The following SRCIN1 variants were observed in gnomAD, a reference collection of about 807,000 sequenced individuals.
The protein encoded by SRCIN1 is SRC kinase signaling inhibitor 1, also known as P130Cas-associated protein.
SRCIN1 carries 50 observed loss-of-function variants against 116.2 expected under a neutral mutation model. The observed-to-expected ratio is 0.43, with a 90% confidence interval of 0.34 to 0.54. The LOEUF (loss-of-function observed/expected upper bound fraction) is 0.54, where lower values mean the gene tolerates loss of function less well. Among genes scored for constraint, SRCIN1 ranks in the 20% least tolerant of loss-of-function variants. The pLI, the probability that SRCIN1 is intolerant of heterozygous loss-of-function variation, is 0.02. For synonymous variants in SRCIN1, 736 were observed against 750.0 expected (o/e 0.98, Z 0.30); for missense variants, 1,446 against 1,672.0 (o/e 0.86, Z 2.36).
At chr17:38,601,809 C>A (rs751005958) in intron 1 of SRCIN1, among the ~76,000 whole-genome samples, 1 of 152,144 alleles carries the variant, frequency 6.6e-6, no homozygotes, top group Non-Finnish European at 1.5e-5. Context: ...CTCAACCTTC[C>A]AGACAGTCCT....
chr17:38,548,658 G>A lies in SRCIN1; in HGVS notation c.3169C>T (p.Arg1057Trp), dbSNP rs374123038. 6.2e-6 allele frequency: 10 copies of A among 1,612,202 alleles called. No individual in the cohort carries two copies. Among genetic ancestry groups the A allele is most frequent in the African/African-American group, 2.7e-5 (2 of 74,908 alleles). ...EVQKPQVKLR[R>W]AVSEVARPAS... ...GGGCGGGCCACCTCAGACACAGCCC[G>A]GCGCAGCTTCACCTGGGGCTTCTGC... The change falls in exon 17 of 19, where the codon CGG (arginine) becomes TGG (tryptophan). Residue 1057 changes from arginine to tryptophan, a missense_variant. Coordinates refer to ENST00000617146, the MANE Select transcript of SRCIN1 (RefSeq NM_025248.3).
At chr17:38,583,243 T>C (rs1464837935) in intron 1 of SRCIN1, among the ~76,000 whole-genome samples, 3 of 152,062 alleles carry the variant, frequency 2.0e-5, no homozygotes, top group Non-Finnish European at 2.9e-5. Flanking sequence ...ATTTTGGTGG[T>C]CTGTTTTGTT....
At chr17:38,599,565 C>T (rs1469754076) in intron 1 of SRCIN1, among the ~76,000 whole-genome samples, 1 of 152,184 alleles carries the variant, frequency 6.6e-6, no homozygotes, top group Non-Finnish European at 1.5e-5. Context: ...CCACTGGAGC[C>T]TCCCATCCTG....
upstream of SRCIN1, among the ~76,000 whole-genome samples, chr17:38,606,450 C>G (rs1309387526): frequency 6.6e-6 from 1 of 152,176 alleles, no homozygotes; most frequent in Non-Finnish European, 1.5e-5. The surrounding 1 kb of genome is among the most constrained non-coding windows in gnomAD (Gnocchi z 5.2). Flanking sequence ...CTGCTTCTGC[C>G]TCGCGACCCC....
In SRCIN1 at chr17:38,589,066, C is replaced by T. The variant is rs182605511; in HGVS notation, c.23-10275G>A. Among the ~76,000 whole-genome samples the T allele has an allele frequency of 1.8e-4, 27 of 152,356 alleles. No individual in the cohort carries two copies. The East Asian group carries it at 4.0e-3, about 23-fold the overall frequency. On this transcript the variant is annotated intron_variant, in intron 1 of 18. Transcript: ENST00000617146. ...GCTTCTACGTCAAACCTGTGCACCTCGGCATGCGCCTGGCTGCCCAGTACT... is the reference window on the plus strand; with the variant it reads ...GCTTCTACGTCAAACCTGTGCACCTTGGCATGCGCCTGGCTGCCCAGTACT...
rs931201252 is a variant in SRCIN1 at position 38,603,737 on chromosome 17, G to A, written c.22+1947C>T. On this transcript the variant is annotated intron_variant, in intron 1 of 18. Coordinates refer to ENST00000617146, the MANE Select transcript of SRCIN1 (RefSeq NM_025248.3). ...GCCAGGCAGTCTGGGTGGGGACAGCGGGGTGGAGGGGGGGTGCATCTTATT... is the reference window on the plus strand; with the variant it reads ...GCCAGGCAGTCTGGGTGGGGACAGCAGGGTGGAGGGGGGGTGCATCTTATT... 4.1e-4 allele frequency among the ~76,000 whole-genome samples: 62 copies of A among 152,158 alleles called. 1 individual carries two copies. Among genetic ancestry groups the A allele is most frequent in the African/African-American group, 1.2e-3 (48 of 41,486 alleles).
intron 7 of SRCIN1, among the ~76,000 whole-genome samples, chr17:38,561,129 G>A (rs1906207962): frequency 6.6e-6 from 1 of 152,208 alleles, no homozygotes; most frequent in Admixed American, 6.5e-5. Context: ...AAGCTGGAAA[G>A]CCACTAAAAG....
rs2040915983 is a variant in SRCIN1 at position 38,531,187 on chromosome 17, GGCAAGCGAAGTA to G, written c.*2098_*2109del. ...CACAGGGCTGAGGGTGGGAGCTGGG[GGCAAGCGAAGTA>G]GCAAGCAGAGAGTAATGGAGTGGAG... On this transcript the variant is annotated 3_prime_UTR_variant, in exon 19 of 19. Transcript: ENST00000617146. 1 of 152,444 alleles carries G rather than the reference GGCAAGCGAAGTA, an allele frequency of 6.6e-6. No individual in the cohort carries two copies. Among genetic ancestry groups the G allele is most frequent in the East Asian group, 1.9e-4 (1 of 5,154 alleles). The allele number at this position is 152,444 out of a possible 1,614,324, so 9.4% of individuals were successfully genotyped here.
At chr17:38,588,058 CA>C (rs112646329) in intron 1 of SRCIN1, among the ~76,000 whole-genome samples, 17,464 of 128,886 alleles carry the variant, frequency 0.14, 1,497 homozygotes, top group African/African-American at 0.27. Context: ...TTTGCTTTAA[CA>C]AAAAAAAAAA....
chr17:38,590,747 A>G (rs1597931830), intron 1 of SRCIN1, among the ~76,000 whole-genome samples: 1 of 87,054 alleles, frequency 1.1e-5, no homozygotes, highest in Non-Finnish European at 2.1e-5. Flanking sequence ...TGCTTAGCCC[A>G]TTAGCCCATG....
rs916192817 is a variant in SRCIN1 at position 38,568,908 on chromosome 17, G to A, written c.325-677C>T. On this transcript the variant is annotated intron_variant, in intron 2 of 18. Transcript: ENST00000617146. This position sits in a 1 kb window ranked among gnomAD's most constrained non-coding sequence, Gnocchi z 4.5. ...ACTAGACCCCGGGGCAGAGGTGGAT[G>A]GGGTGGATCAGGATGGATGGGGCAG... Among the ~76,000 whole-genome samples the A allele has an allele frequency of 4.6e-5, 7 of 152,044 alleles. No individual in the cohort carries two copies. Among genetic ancestry groups the A allele is most frequent in the Non-Finnish European group, 8.8e-5 (6 of 67,996 alleles).
rs1567862552 is a variant in SRCIN1, at chr17:38,558,429, C to CGGGTGGGGGGAGCGGAGCCGCG, written c.2026-49_2026-28dup. The CGGGTGGGGGGAGCGGAGCCGCG allele has an allele frequency of 1.9e-6, 3 of 1,566,996 alleles. No homozygotes were observed. The highest frequency in any genetic ancestry group is 1.7e-6 in the Non-Finnish European group (2 of 1,163,194). On this transcript the variant is annotated intron_variant, in intron 10 of 18. Coordinates refer to ENST00000617146, the MANE Select transcript of SRCIN1 (RefSeq NM_025248.3). The surrounding 1 kb of genome is among the most constrained non-coding windows in gnomAD (Gnocchi z 4.6). ...TGCGGGACGCACGGACGGATGGACC[C>CGGGTGGGGGGAGCGGAGCCGCG]GGGTGGGGGGAGCGGAGCCGCGAGG...
At chr17:38,581,689 T>C (rs1482250344) in intron 1 of SRCIN1, among the ~76,000 whole-genome samples, 1 of 152,170 alleles carries the variant, frequency 6.6e-6, no homozygotes, top group Non-Finnish European at 1.5e-5. Context: ...AAATAGACCC[T>C]GACTGAGTGA....
chr17:38,568,248 G>A lies in SRCIN1; in HGVS notation c.325-17C>T. 6.2e-7 allele frequency: 1 copy of A among 1,612,630 alleles called. No homozygotes were observed. The highest frequency in any genetic ancestry group is 1.3e-5 in the African/African-American group (1 of 75,016). ...GTAGTTTGGCTGCTGATGGAAATAAGAGAAGAGATGGTTATGAGGGGGCCC... is the reference window on the plus strand; with the variant it reads ...GTAGTTTGGCTGCTGATGGAAATAAAAGAAGAGATGGTTATGAGGGGGCCC... On this transcript the variant is annotated splice_polypyrimidine_tract_variant and intron_variant, in intron 2 of 18. Transcript: ENST00000617146. This position sits in a 1 kb window ranked among gnomAD's most constrained non-coding sequence, Gnocchi z 4.5.
At chr17:38,567,312 C>T (rs1906787392) in intron 3 of SRCIN1, among the ~76,000 whole-genome samples, 1 of 152,194 alleles carries the variant, frequency 6.6e-6, no homozygotes, top group Non-Finnish European at 1.5e-5. Context: ...GGTCACCAAG[C>T]TAGTTAGCAG....
rs376803137 is a variant in SRCIN1 at position 38,543,773 on chromosome 17, C to T, written c.3417+50G>A. ...GGAGATGCCCAGTGGGGCAGGGGCC[C>T]GGCATGCAGCAGAGTGGGCCTGGGT... On this transcript the variant is annotated intron_variant, in intron 18 of 18. Transcript: ENST00000617146. 8.9e-6 allele frequency: 14 copies of T among 1,581,722 alleles called. 1 individual carries two copies. The highest frequency in any genetic ancestry group is 5.7e-5 in the South Asian group (5 of 88,272).
Position 38,552,564 on chromosome 17 carries a change from C to A in SRCIN1, c.2363G>T (p.Arg788Leu). 6.2e-7 allele frequency: 1 copy of A among 1,610,606 alleles called. No individual in the cohort carries two copies. Among genetic ancestry groups the A allele is most frequent in the East Asian group, 2.2e-5 (1 of 44,634 alleles). Residue 788 changes from arginine (R) to leucine (L), a missense_variant, in exon 13 of 19, where the codon CGG (arginine) becomes CTG (leucine). Coordinates refer to ENST00000617146, the MANE Select transcript of SRCIN1 (RefSeq NM_025248.3). The surrounding 1 kb of genome is among the most constrained non-coding windows in gnomAD (Gnocchi z 5.3). ...AHFPGLQSKM[R>L]VVLRVEVEAV... The stretch of plus-strand genomic sequence containing the variant: ...CTCCACCTCCACGCGCAGCACCACC[C>A]GCATCTTGCTCTGCAGGCCCGGGAA...
intron 1 of SRCIN1, among the ~76,000 whole-genome samples, chr17:38,592,991 C>T (rs996698564): frequency 1.3e-5 from 2 of 152,138 alleles, no homozygotes; most frequent in Non-Finnish European, 2.9e-5. Flanking sequence ...GCATCGCTTC[C>T]CTCATTTGCT....
chr17:38,567,290 T>G (rs987376116), intron 3 of SRCIN1, among the ~76,000 whole-genome samples: 3 of 152,236 alleles, frequency 2.0e-5, no homozygotes, highest in Non-Finnish European at 4.4e-5. Flanking sequence ...AGAGGATATG[T>G]GGCTTGCCCC....
Sources: allele counts gnomAD v4.1 joint callset (sites outside exome capture counted in the v4.1 genomes callset), GRCh38; gene constraint gnomAD v4.1.1; non-coding constraint Gnocchi (gnomAD v3.1); transcripts MANE v1.5; gene names NCBI Gene and HGNC (gene_info 2026-07-23, HGNC 2026-07-21).